The following PLCH2 variants were observed in gnomAD, a reference collection of about 807,000 sequenced individuals.
PLCH2 encodes the protein 1-phosphatidylinositol 4,5-bisphosphate phosphodiesterase eta-2.
Under a neutral mutation model 134.7 loss-of-function variants are expected in PLCH2, and 98 were observed. That is an observed-to-expected ratio of 0.73 (90% CI 0.62 to 0.86). The LOEUF is 0.86. Among genes scored for constraint, PLCH2 ranks in the 40% least tolerant of loss-of-function variants. The pLI is 0.00. For synonymous variants in PLCH2, 974 were observed against 827.5 expected (o/e 1.18, Z -3.04); for missense variants, 1,994 against 1,986.6 (o/e 1.00, Z -0.07).
intron 11 of PLCH2, chr1:2,493,704 G>A (rs974649698): frequency 1.3e-5 from 2 of 152,444 alleles, no homozygotes; most frequent in African/African-American, 4.8e-5. Context: ...ACAGGACTGA[G>A]AGGCCCGTCT....
At chr1:2,477,934 G>A (rs756722919) in intron 1 of PLCH2, among the ~76,000 whole-genome samples, 29 of 152,214 alleles carry the variant, frequency 1.9e-4, no homozygotes, top group Non-Finnish European at 3.2e-4. Flanking sequence ...AGGGGCGGGG[G>A]CAGGGGCATG....
At position 2,449,856 on chromosome 1, in the gene PLCH2, G is replaced by A. The variant is rs374467421; in HGVS notation, c.115+19227G>A. The stretch of plus-strand genomic sequence containing the variant: ...CCTCGCCCCGTCCTGCCCCTGCTCC[G>A]TGACGCTCCCTGGAACTCAGTCATT... On this transcript the variant is annotated intron_variant, in intron 2 of 3. Transcript: ENST00000609981. Among the ~76,000 whole-genome samples, 121 of 152,304 alleles carry A rather than the reference G, an allele frequency of 7.9e-4. 2 individuals are homozygous for A. In the South Asian group the frequency reaches 0.023, roughly 29 times the overall value.
Position 2,434,422 on chromosome 1 carries a change from C to T in PLCH2, c.115+3793C>T, listed in dbSNP as rs1480916753. Among the ~76,000 whole-genome samples, 8 of 152,390 alleles carry T rather than the reference C, an allele frequency of 5.2e-5. No individual in the cohort carries two copies. In the East Asian group the frequency reaches 5.8e-4, roughly 11 times the overall value. ...CTCTGGCAGGGGCGTATTTCCCCCA[C>T]GCACAGGTTCCTTATCTGTCTCCTC... is the stretch of plus-strand genomic sequence containing the variant. On this transcript the variant is annotated intron_variant, in intron 2 of 3. Transcript: ENST00000609981.
rs551289153 is a variant in PLCH2, at chr1:2,498,875, G to T, written c.2434+47G>T. 23 of 1,501,574 alleles carry T rather than the reference G, an allele frequency of 1.5e-5. No individual in the cohort carries two copies. The highest frequency in any genetic ancestry group is 2.8e-5 in the African/African-American group (2 of 72,656). The allele number at this position is 1,501,574 out of a possible 1,614,324, so 93.0% of individuals were successfully genotyped here. Reference sequence around the variant, plus strand: ...GTCACACCTGTGATGGAAGTCTGAGGGGGGAGGGTTGGGGCTACCTGGTGT... The same window carrying T: ...GTCACACCTGTGATGGAAGTCTGAGTGGGGAGGGTTGGGGCTACCTGGTGT... On this transcript the variant is annotated intron_variant, in intron 18 of 21. Transcript: ENST00000378486. The surrounding 1 kb of genome is among the most constrained non-coding windows in gnomAD (Gnocchi z 5.4).
intron 2 of PLCH2, among the ~76,000 whole-genome samples, chr1:2,430,947 G>A (rs1167997604): frequency 6.6e-6 from 1 of 151,558 alleles, no homozygotes; most frequent in Non-Finnish European, 1.5e-5. Flanking sequence ...GTCTGGGAGA[G>A]GTGCCCCTGC....
chr1:2,440,307 G>A lies in PLCH2; in HGVS notation c.115+9678G>A, dbSNP rs372045248. Among the ~76,000 whole-genome samples, 21 of 152,278 alleles carry A rather than the reference G, an allele frequency of 1.4e-4. No homozygotes were observed. The East Asian group carries it at 2.5e-3, about 18-fold the overall frequency. The stretch of plus-strand genomic sequence containing the variant: ...GGAGGATCTCGGGTGGGGGGCAGGC[G>A]GTGTGCCCTGGCTGCCGGGGTTGCC... On this transcript the variant is annotated intron_variant, in intron 2 of 3. Transcript: ENST00000609981.
At position 2,439,861 on chromosome 1, in the gene PLCH2, C is replaced by T. The variant is rs963622489; in HGVS notation, c.115+9232C>T. 4.6e-5 allele frequency among the ~76,000 whole-genome samples: 7 copies of T among 152,180 alleles called. No individual in the cohort carries two copies. The highest frequency in any genetic ancestry group is 1.9e-4 in the East Asian group (1 of 5,142). ...GGAGTGTTCGAGGGCAGCGGGCACG[C>T]GGCTCCCTGCCTGCAGGGACCTCAT... is the stretch of plus-strand genomic sequence containing the variant. On this transcript the variant is annotated intron_variant, in intron 2 of 3. Transcript: ENST00000609981. The surrounding 1 kb of genome is among the most constrained non-coding windows in gnomAD (Gnocchi z 4.7).
Position 2,491,340 on chromosome 1 carries a change from A to G in PLCH2, c.1659+5A>G, listed in dbSNP as rs752418644. On this transcript the variant is annotated splice_donor_5th_base_variant and intron_variant, in intron 11 of 21. Transcript: ENST00000378486. The stretch of plus-strand genomic sequence containing the variant: ...TCTGGAAAGCTCGGACGCAAGGTAG[A>G]GGCCAAAAAGGTGACACCCCTGATG... 4.3e-6 allele frequency: 7 copies of G among 1,610,638 alleles called. No homozygotes were observed. The highest frequency in any genetic ancestry group is 5.9e-6 in the Non-Finnish European group (7 of 1,178,812).
At chr1:2,480,530 T>C (rs1250048916) in intron 4 of PLCH2, among the ~76,000 whole-genome samples, 1 of 152,190 alleles carries the variant, frequency 6.6e-6, no homozygotes. Context: ...GCTGCCTCTT[T>C]GCAGCTGGGC....
chr1:2,435,142 G>A (rs1639266390), intron 2 of PLCH2, among the ~76,000 whole-genome samples: 1 of 152,220 alleles, frequency 6.6e-6, no homozygotes, highest in Non-Finnish European at 1.5e-5. Context: ...CAGGAGCTCT[G>A]CTGGGAGGAG....
rs1048069445 is a variant in PLCH2 at position 2,502,883 on chromosome 1, A to G, written c.2959+474A>G. On this transcript the variant is annotated intron_variant, in intron 21 of 21. Coordinates refer to ENST00000378486, the MANE Select transcript of PLCH2 (RefSeq NM_014638.4). The stretch of plus-strand genomic sequence containing the variant: ...GTTTGCTCAAAAGCTGGAGGAGATC[A>G]GGAGTAAATCCCCCATGTTCTCCGC... 3 of 717,088 alleles carry G rather than the reference A, an allele frequency of 4.2e-6. No homozygotes were observed. In the Admixed American group the frequency reaches 6.0e-5, roughly 14 times the overall value. 44.4% of individuals were successfully genotyped at this position (717,088 alleles called of 1,614,324 possible).
In PLCH2 at chr1:2,438,330, C is replaced by T. The variant is rs574204276; in HGVS notation, c.115+7701C>T. Among the ~76,000 whole-genome samples, 8 of 152,348 alleles carry T rather than the reference C, an allele frequency of 5.3e-5. No homozygotes were observed. In the East Asian group the frequency reaches 7.7e-4, roughly 15 times the overall value. On this transcript the variant is annotated intron_variant, in intron 2 of 3. Coordinates refer to the PLCH2 transcript ENST00000609981. ...GAAGAAAGGGCAGGGCCCAGTGTCC[C>T]TGGGTCCCACCAGTCTCTGCCCCTT...
intron 10 of PLCH2, 83 bp from the exon 11 acceptor site, chr1:2,491,109 G>C: frequency 7.4e-7 from 1 of 1,354,074 alleles, no homozygotes; most frequent in Non-Finnish European, 1.0e-6. Context: ...GGTGGGCAGA[G>C]TGCTGTGACC....
chr1:2,471,840 G>C (rs541178089), upstream of PLCH2, among the ~76,000 whole-genome samples: 1 of 152,280 alleles, frequency 6.6e-6, no homozygotes, highest in South Asian at 2.1e-4. Context: ...GCCCCCTCCG[G>C]CCTGCTCCCC....
chr1:2,463,467 G>T (rs1051039581), upstream of PLCH2, among the ~76,000 whole-genome samples: 1 of 152,258 alleles, frequency 6.6e-6, no homozygotes, highest in Admixed American at 6.5e-5. Flanking sequence ...CTGCAGCCGA[G>T]AATCTGTTTA....
chr1:2,476,489 G>A lies in PLCH2; in HGVS notation c.-100G>A, dbSNP rs988323985. On this transcript the variant is annotated 5_prime_UTR_variant, in exon 1 of 22. Coordinates refer to ENST00000378486, the MANE Select transcript of PLCH2 (RefSeq NM_014638.4). ...AGAGGCAGAGGAGAGAAGGCCCCAC[G>A]GAGGTCCTGTCGCCAGCGCTGCCAC... 3.6e-5 allele frequency: 42 copies of A among 1,162,722 alleles called. No homozygotes were observed. The highest frequency in any genetic ancestry group is 1.5e-4 in the Admixed American group (5 of 32,892). 72.0% of individuals were successfully genotyped at this position (1,162,722 alleles called of 1,614,324 possible). A position where few individuals can be genotyped will look rare whatever the true frequency, so the allele number is the denominator to read the frequency against.
chr1:2,502,625 C>T (rs111897165), intron 21 of PLCH2: 271 of 684,214 alleles, frequency 4.0e-4, no homozygotes, highest in Non-Finnish European at 5.0e-4. Context: ...GCCCCGGGCC[C>T]GGGCTGACTC....
intron 10 of PLCH2, 66 bp from the exon 11 acceptor site, chr1:2,491,126 G>T (rs945456171): frequency 4.7e-6 from 7 of 1,487,662 alleles, no homozygotes; most frequent in African/African-American, 4.2e-5. Flanking sequence ...GACCCTGGGG[G>T]TTGTCATTGC....
At chr1:2,474,456 G>C (rs1426359801), upstream of PLCH2, among the ~76,000 whole-genome samples, 1 of 152,212 alleles carries the variant, frequency 6.6e-6, no homozygotes, top group Non-Finnish European at 1.5e-5. Flanking sequence ...CTGCTGAGGA[G>C]GTCAGGGGGC....
Sources: allele counts gnomAD v4.1 joint callset (sites outside exome capture counted in the v4.1 genomes callset), GRCh38; gene constraint gnomAD v4.1.1; non-coding constraint Gnocchi (gnomAD v3.1); transcripts MANE v1.5; gene names NCBI Gene and HGNC (gene_info 2026-07-23, HGNC 2026-07-21).